Variants in ZNF385D observed in about 807,000 individuals in gnomAD.
The protein encoded by ZNF385D is zinc finger protein 659.
A neutral mutation model predicts 35.8 loss-of-function variants in ZNF385D; 15 were observed. The ratio of observed to expected loss-of-function variants is 0.42; its 90% CI spans 0.28 to 0.64. The LOEUF is 0.64. ZNF385D is among the 30% of genes least tolerant of loss of function. ZNF385D has a pLI of 0.23. For missense variants in ZNF385D, 474 were observed against 494.6 expected (o/e 0.96, Z 0.39); for synonymous variants, 212 against 186.8 (o/e 1.13, Z -1.10).
intron 1 of ZNF385D, among the ~76,000 whole-genome samples, chr3:21,706,266 C>G (rs1269569868): frequency 1.4e-5 from 2 of 147,100 alleles, no homozygotes; most frequent in Non-Finnish European, 3.0e-5. Context: ...ATGCAATCAG[C>G]TTTTTTTTTT....
chr3:21,790,816 G>T (rs185621202), intron 3 of ZNF385D, among the ~76,000 whole-genome samples: 1 of 152,232 alleles, frequency 6.6e-6, no homozygotes, highest in East Asian at 1.9e-4. Context: ...CCTTATTATT[G>T]AAGTTAATTT....
At chr3:21,649,755 C>A (rs980417353) in intron 2 of ZNF385D, among the ~76,000 whole-genome samples, 1 of 152,100 alleles carries the variant, frequency 6.6e-6, no homozygotes, top group Non-Finnish European at 1.5e-5. Flanking sequence ...TTTCCCAATT[C>A]TTTGACTTTG....
At chr3:21,583,892 C>T (rs1278573099) in intron 2 of ZNF385D, among the ~76,000 whole-genome samples, 2 of 150,262 alleles carry the variant, frequency 1.3e-5, no homozygotes, top group Non-Finnish European at 3.0e-5. Context: ...TTTTTCTTTT[C>T]TTCTTCAGTT....
chr3:22,014,552 A>G (rs756961746), intron 3 of ZNF385D, among the ~76,000 whole-genome samples: 5 of 152,172 alleles, frequency 3.3e-5, no homozygotes, highest in Non-Finnish European at 7.4e-5. Context: ...CCCCAAACCC[A>G]CATCCACCTA....
At chr3:22,247,110 C>T (rs1699826001) in intron 2 of ZNF385D, among the ~76,000 whole-genome samples, 1 of 152,040 alleles carries the variant, frequency 6.6e-6, no homozygotes. Flanking sequence ...AATTCCTGGG[C>T]ATCAGGAAGT....
chr3:22,136,882 G>A (rs963055084), intron 3 of ZNF385D, among the ~76,000 whole-genome samples: 1 of 152,096 alleles, frequency 6.6e-6, no homozygotes, highest in Non-Finnish European at 1.5e-5. Flanking sequence ...TACGGAAAAG[G>A]CAAAACTATG....
chr3:21,778,411 C>G (rs745350094), intron 3 of ZNF385D, among the ~76,000 whole-genome samples: 1 of 151,890 alleles, frequency 6.6e-6, no homozygotes, highest in East Asian at 1.9e-4. Context: ...AAAGGTGGCA[C>G]GGCTGAGTTC....
intron 2 of ZNF385D, among the ~76,000 whole-genome samples, chr3:22,285,703 C>T (rs779484808): frequency 1.6e-4 from 25 of 152,078 alleles, no homozygotes; most frequent in Non-Finnish European, 2.5e-4. Context: ...CCACAGCAGT[C>T]GCTGGTGTGT....
chr3:22,034,317 G>C (rs1576195543), intron 3 of ZNF385D, among the ~76,000 whole-genome samples: 1 of 152,158 alleles, frequency 6.6e-6, no homozygotes, highest in African/African-American at 2.4e-5. Flanking sequence ...GAAGCTGGCA[G>C]TTTGTAACCT....
At position 22,047,072 on chromosome 3, in the gene ZNF385D, C is replaced by T. The variant is rs577272372; in HGVS notation, c.325+121745G>A. Among the ~76,000 whole-genome samples the T allele has an allele frequency of 3.3e-5, 5 of 152,144 alleles. No homozygotes were observed. The South Asian group carries it at 1.0e-3, about 32-fold the overall frequency. On this transcript the variant is annotated intron_variant, in intron 3 of 5. Transcript: ENST00000494108. Reference sequence around the variant, plus strand: ...AACTGGACTACAAATAACAGTTCACCTGATTTCTCTGTCAACGATGAAGGC... The same window carrying T: ...AACTGGACTACAAATAACAGTTCACTTGATTTCTCTGTCAACGATGAAGGC...
intron 2 of ZNF385D, among the ~76,000 whole-genome samples, chr3:22,298,394 G>A (rs566184239): frequency 6.0e-4 from 81 of 135,582 alleles, no homozygotes; most frequent in African/African-American, 1.5e-3. Context: ...GTGTGTGTGT[G>A]TATATATATG....
chr3:22,010,200 A>T (rs1696483780), intron 3 of ZNF385D, among the ~76,000 whole-genome samples: 1 of 152,218 alleles, frequency 6.6e-6, no homozygotes. Flanking sequence ...TTGGATGACG[A>T]AACAGGATGA....
intron 3 of ZNF385D, among the ~76,000 whole-genome samples, chr3:22,162,892 C>G (rs1706059062): frequency 6.6e-6 from 1 of 152,104 alleles, no homozygotes. Context: ...TTTGGATTCC[C>G]AAGAAGCAGA....
At chr3:22,088,390 G>C (rs912375329) in intron 3 of ZNF385D, among the ~76,000 whole-genome samples, 1 of 152,160 alleles carries the variant, frequency 6.6e-6, no homozygotes, top group Non-Finnish European at 1.5e-5. Flanking sequence ...ACTCAGTCTG[G>C]TGAGCCACTT....
chr3:21,912,861 T>C lies in ZNF385D; in HGVS notation c.326-247833A>G, dbSNP rs143459558. The stretch of plus-strand genomic sequence containing the variant: ...TGAACAGTTCTTCTCTGAACAGCAT[T>C]TGGCTGTCTCCCAAGAGCATACAGA... On this transcript the variant is annotated intron_variant, in intron 3 of 5. Coordinates refer to the ZNF385D transcript ENST00000494108. Among the ~76,000 whole-genome samples, 7 of 152,206 alleles carry C rather than the reference T, an allele frequency of 4.6e-5. No individual in the cohort carries two copies. In the East Asian group the frequency reaches 7.7e-4, roughly 17 times the overall value.
upstream of ZNF385D, among the ~76,000 whole-genome samples, chr3:21,754,165 A>AT (rs553202150): frequency 1.6e-3 from 248 of 152,116 alleles, 1 homozygote; most frequent in Non-Finnish European, 2.4e-3. Context: ...TCAACATATT[A>AT]TTTTTTTTAA....
intron 4 of ZNF385D, among the ~76,000 whole-genome samples, chr3:21,507,641 G>T (rs1018876516): frequency 6.6e-6 from 1 of 151,918 alleles, no homozygotes; most frequent in Non-Finnish European, 1.5e-5. Flanking sequence ...CACTTATTTT[G>T]CCCAGTCCAG....
At chr3:21,808,605 T>C (rs2072762100) in intron 3 of ZNF385D, among the ~76,000 whole-genome samples, 3 of 152,236 alleles carry the variant, frequency 2.0e-5, no homozygotes, top group Non-Finnish European at 2.9e-5. Flanking sequence ...ATAGAGCTAC[T>C]GGGTGGACTG....
intron 3 of ZNF385D, among the ~76,000 whole-genome samples, chr3:22,071,103 C>T (rs1029498805): frequency 6.6e-6 from 1 of 152,090 alleles, no homozygotes; most frequent in Admixed American, 6.6e-5. Flanking sequence ...TAGCTCAGTC[C>T]TGGATACAGA....
Sources: gnomAD v4.1 joint callset for allele counts (sites outside exome capture counted in the v4.1 genomes callset) on GRCh38, gnomAD v4.1.1 for gene constraint, MANE v1.5 for transcripts, NCBI Gene and HGNC (gene_info 2026-07-23, HGNC 2026-07-21) for gene names.